The following SPMIP5 variants were observed in gnomAD, a reference collection of about 807,000 sequenced individuals.
SPMIP5 encodes the protein sperm-associated microtubule inner protein 5.
the SPMIP5 span, chr10:116,665,207 G>A: frequency 0.41 from 362,539 of 887,624 alleles, 78,292 homozygotes; most frequent in Middle Eastern, 0.44. Flanking sequence ...GACCACCCTC[G>A]GCAACATGGT....
At chr10:116,663,270 G>C in the SPMIP5 span, among the ~76,000 whole-genome samples, 110 of 152,130 alleles carry the variant, frequency 7.2e-4, no homozygotes, top group African/African-American at 2.5e-3. Flanking sequence ...ATGCCAACGT[G>C]GCTGCAAAAC....
At chr10:116,664,055 G>C in the SPMIP5 span, 2 of 1,600,988 alleles carry the variant, frequency 1.2e-6, no homozygotes, top group Non-Finnish European at 1.7e-6. Context: ...CTTCCATCTA[G>C]GAGAGGAACC....
chr10:116,664,543 A>T, the SPMIP5 span: 1 of 989,454 alleles, frequency 1.0e-6, no homozygotes, highest in Non-Finnish European at 1.4e-6. Context: ...AGCAAAGACC[A>T]CAGGTAGAGC....
At chr10:116,664,371 T>C in the SPMIP5 span, 1 of 896,436 alleles carries the variant, frequency 1.1e-6, no homozygotes, top group Non-Finnish European at 1.6e-6. Flanking sequence ...AGTAAATATA[T>C]GAACATGGTA....
chr10:116,666,845 A>G, the SPMIP5 span, among the ~76,000 whole-genome samples: 106 of 152,338 alleles, frequency 7.0e-4, no homozygotes, highest in Middle Eastern at 0.014. Context: ...CACAGACATA[A>G]GCATACGAAC....
the SPMIP5 span, chr10:116,668,145 G>A: frequency 1.6e-5 from 16 of 1,008,726 alleles, no homozygotes; most frequent in African/African-American, 9.5e-5. Flanking sequence ...AAGCTAGAGC[G>A]CCTAGACTGG....
At chr10:116,664,703 G>A in the SPMIP5 span, 4 of 1,584,518 alleles carry the variant, frequency 2.5e-6, no homozygotes, top group African/African-American at 5.4e-5. Context: ...CCCCCATCCT[G>A]GGTTTGCACT....
chr10:116,668,242 G>T, the SPMIP5 span: 1 of 1,611,372 alleles, frequency 6.2e-7, no homozygotes, highest in Non-Finnish European at 8.5e-7. Flanking sequence ...CAGCTGCAGG[G>T]TACGTCCACA....
At chr10:116,666,087 G>C in the SPMIP5 span, among the ~76,000 whole-genome samples, 1 of 152,226 alleles carries the variant, frequency 6.6e-6, no homozygotes, top group Non-Finnish European at 1.5e-5. Flanking sequence ...AATACTCTTT[G>C]AATAGCAAAG....
chr10:116,669,485 G>T, the SPMIP5 span, among the ~76,000 whole-genome samples: 4 of 152,086 alleles, frequency 2.6e-5, no homozygotes, highest in African/African-American at 9.7e-5. Flanking sequence ...AGCTTTCCAC[G>T]CTTGTTTAAT....
the SPMIP5 span, among the ~76,000 whole-genome samples, chr10:116,667,393 T>C: frequency 6.6e-6 from 1 of 152,226 alleles, no homozygotes; most frequent in African/African-American, 2.4e-5. Flanking sequence ...TTTGTTGCAG[T>C]GGTCCTAGAA....
chr10:116,663,195 AAAAAAAG>A, the SPMIP5 span, among the ~76,000 whole-genome samples: 2 of 151,822 alleles, frequency 1.3e-5, no homozygotes, highest in Non-Finnish European at 2.9e-5. Context: ...AAAAAAAAAA[AAAAAAAG>A]AAGATGGCCG....
the SPMIP5 span, among the ~76,000 whole-genome samples, chr10:116,666,688 C>A: frequency 6.6e-6 from 1 of 151,852 alleles, no homozygotes; most frequent in Admixed American, 6.6e-5. Flanking sequence ...GTGTTGGAAG[C>A]CTTCCATGCA....
the SPMIP5 span, chr10:116,665,848 AC>A: frequency 6.3e-7 from 1 of 1,590,186 alleles, no homozygotes; most frequent in Non-Finnish European, 8.6e-7. Flanking sequence ...GAATGGAATC[AC>A]AGCCTTCAGC....
At chr10:116,664,035 G>A in the SPMIP5 span, 1 of 1,579,892 alleles carries the variant, frequency 6.3e-7, no homozygotes, top group Non-Finnish European at 8.6e-7. Flanking sequence ...GCCTTCCAAG[G>A]GCAGGGCAGC....
the SPMIP5 span, chr10:116,664,152 G>A: frequency 5.0e-6 from 8 of 1,613,940 alleles, no homozygotes; most frequent in Non-Finnish European, 5.9e-6. Flanking sequence ...GTAGTAGGAA[G>A]GAAAGAGACA....
At chr10:116,665,076 AC>A in the SPMIP5 span, 7 of 1,457,370 alleles carry the variant, frequency 4.8e-6, no homozygotes, top group Non-Finnish European at 6.3e-6. Context: ...CTCTTCCCTA[AC>A]CAGGACTGTG....
At chr10:116,665,171 C>A in the SPMIP5 span, 1 of 1,230,184 alleles carries the variant, frequency 8.1e-7, no homozygotes, top group South Asian at 2.1e-5. Flanking sequence ...CTGAGGCAGG[C>A]AGATCACCTG....
chr10:116,666,345 A>G, the SPMIP5 span, among the ~76,000 whole-genome samples: 5 of 152,168 alleles, frequency 3.3e-5, no homozygotes, highest in Admixed American at 6.5e-5. Context: ...ATTTTTCACC[A>G]TTTCCCACCA....
Sources: allele counts gnomAD v4.1 joint callset (sites outside exome capture counted in the v4.1 genomes callset), GRCh38; gene constraint gnomAD v4.1.1; transcripts MANE v1.5; gene names NCBI Gene and HGNC (gene_info 2026-07-23, HGNC 2026-07-21).